The following GRB10 variants were observed in gnomAD, a reference collection of about 807,000 sequenced individuals.
GRB10 encodes the protein growth factor receptor-bound protein 10.
In GRB10, 20 loss-of-function variants were observed where a neutral mutation model predicts 80.9. That is an observed-to-expected ratio of 0.25 (90% confidence interval 0.17 to 0.36). The LOEUF is 0.36. Ranked by LOEUF, GRB10 falls within the 10% of genes least tolerant of loss-of-function variation. The probability of loss-of-function intolerance (pLI) is 1.00; values close to 1 mark genes in which losing one functional copy is unlikely to be tolerated. For missense variants in GRB10, 548 were observed against 747.7 expected, an observed-to-expected ratio of 0.73 and a Z score of 3.12; for synonymous variants, 291 against 291.5, an observed-to-expected ratio of 1.00 and a Z score of 0.02.
chr7:50,596,156 G>A (rs1411990483), intron 17 of GRB10, among the ~76,000 whole-genome samples: 1 of 152,184 alleles, frequency 6.6e-6, no homozygotes, highest in Admixed American at 6.5e-5. Flanking sequence ...ACCAGCAGAT[G>A]AAAGGTGGAT....
intron 7 of GRB10, among the ~76,000 whole-genome samples, chr7:50,627,214 A>T (rs1301868376): frequency 2.0e-5 from 3 of 152,162 alleles, no homozygotes; most frequent in Admixed American, 6.5e-5. Flanking sequence ...GATACTCTTA[A>T]AATGCCCAGG....
intron 2 of GRB10, among the ~76,000 whole-genome samples, chr7:50,775,906 C>T (rs2077582867): frequency 6.6e-6 from 1 of 152,200 alleles, no homozygotes; most frequent in African/African-American, 2.4e-5. Flanking sequence ...CACTGTAATG[C>T]AGAGAGCAGA....
rs143541013 is a variant in GRB10 at position 50,762,180 on chromosome 7, G to A, written c.-216-6124C>T. 1.2e-3 allele frequency among the ~76,000 whole-genome samples: 180 copies of A among 151,894 alleles called. 1 individual carries two copies. The highest frequency in any genetic ancestry group is 4.1e-3 in the African/African-American group (171 of 41,404). ...TAGAACCGATCTGAACGTTTAGTAAGATTGCGATCCCAGAGCAAACTACAA... is the reference window on the plus strand; with the variant it reads ...TAGAACCGATCTGAACGTTTAGTAAAATTGCGATCCCAGAGCAAACTACAA... On this transcript the variant is annotated intron_variant, in intron 2 of 18. Coordinates refer to ENST00000401949, the MANE Select transcript of GRB10 (RefSeq NM_001350814.2).
At chr7:50,639,472 G>A (rs1048242915) in intron 7 of GRB10, among the ~76,000 whole-genome samples, 1 of 151,440 alleles carries the variant, frequency 6.6e-6, no homozygotes, top group African/African-American at 2.4e-5. Flanking sequence ...TCAGGAGATC[G>A]AGATCATCCT....
chr7:50,732,158 G>C (rs988138678), intron 4 of GRB10, 114 bp downstream of exon 4: 1 of 1,044,620 alleles, frequency 9.6e-7, no homozygotes, highest in South Asian at 1.3e-5. Flanking sequence ...CTGCTCCAGC[G>C]TGTCCTAGTG....
intron 3 of GRB10, among the ~76,000 whole-genome samples, chr7:50,745,816 C>G (rs2072792211): frequency 6.6e-6 from 1 of 152,156 alleles, no homozygotes; most frequent in Non-Finnish European, 1.5e-5. Flanking sequence ...CTAAAGAAAA[C>G]TTTTTAAAGG....
chr7:50,784,670 T>A (rs2078615799), upstream of GRB10, among the ~76,000 whole-genome samples: 1 of 152,240 alleles, frequency 6.6e-6, no homozygotes, highest in African/African-American at 2.4e-5. Context: ...CTTCACTGAA[T>A]GGCTGACAGG....
upstream of GRB10, among the ~76,000 whole-genome samples, chr7:50,785,501 C>G (rs1425344430): frequency 6.6e-6 from 1 of 152,238 alleles, no homozygotes; most frequent in East Asian, 1.9e-4. Flanking sequence ...GCAACCCTGG[C>G]CCATGGTGAC....
chr7:50,705,218 C>G, intron 4 of GRB10: 1 of 985,828 alleles, frequency 1.0e-6, no homozygotes, highest in Non-Finnish European at 1.2e-6. Flanking sequence ...GAGGGTAGCC[C>G]AGGGGACAGA....
At chr7:50,613,625 T>C (rs2049984856) in intron 12 of GRB10, among the ~76,000 whole-genome samples, 2 of 152,142 alleles carry the variant, frequency 1.3e-5, no homozygotes, top group African/African-American at 4.8e-5. Flanking sequence ...TGCGCTCGGC[T>C]GGTGCTATGA....
At position 50,614,932 on chromosome 7, in the gene GRB10, T is replaced by G. The variant is rs775187224; in HGVS notation, c.985-52A>C. 3.5e-6 allele frequency: 4 copies of G among 1,145,880 alleles called. No individual in the cohort carries two copies. In the African/African-American group the frequency reaches 6.0e-5, roughly 17 times the overall value. 71.0% of individuals were successfully genotyped at this position (1,145,880 alleles called of 1,614,324 possible). On this transcript the variant is annotated intron_variant, in intron 11 of 18. Transcript: ENST00000401949. Reference sequence around the variant, plus strand: ...TCTCAAGCACAGCAAAGAGCAAATGTGTTCACCTCTGGTAGACAGAGGGCA... The same window carrying G: ...TCTCAAGCACAGCAAAGAGCAAATGGGTTCACCTCTGGTAGACAGAGGGCA...
In GRB10 at chr7:50,674,548, G is replaced by C. The variant is rs1217448505; in HGVS notation, c.250C>G (p.Gln84Glu). The C allele has an allele frequency of 6.2e-6, 10 of 1,612,072 alleles. No individual in the cohort carries two copies. Among genetic ancestry groups the C allele is most frequent in the Non-Finnish European group, 8.5e-6 (10 of 1,180,016 alleles). Residue 84 changes from glutamine to glutamate, a missense_variant, in exon 6 of 19, where the codon CAG becomes GAG. Physicochemically the swap from Gln to Glu is conservative, Grantham distance 29 (BLOSUM62 2). Coordinates refer to ENST00000401949, the MANE Select transcript of GRB10 (RefSeq NM_001350814.2). ...SDTVPLLQNGQHARSQPRASG... is the reference protein window; with the variant it reads ...SDTVPLLQNGEHARSQPRASG... ...GCCCGAGGCTGGCTGCGGGCATGCTGGCCATTCTGCAGGAGGGGCACCGTG... is the reference window on the plus strand; with the variant it reads ...GCCCGAGGCTGGCTGCGGGCATGCTCGCCATTCTGCAGGAGGGGCACCGTG...
chr7:50,606,819 G>A (rs998251527), intron 13 of GRB10: 2 of 249,742 alleles, frequency 8.0e-6, no homozygotes, highest in East Asian at 1.0e-4. Flanking sequence ...ATTCGATTCT[G>A]TAAGTCTACA....
intron 8 of GRB10, among the ~76,000 whole-genome samples, chr7:50,621,659 C>G (rs968899144): frequency 2.0e-5 from 3 of 152,218 alleles, no homozygotes; most frequent in African/African-American, 7.2e-5. Context: ...TATGTATTTT[C>G]AAATGACCTT....
chr7:50,752,083 A>G (rs1056751417), intron 3 of GRB10, among the ~76,000 whole-genome samples: 6 of 152,180 alleles, frequency 3.9e-5, no homozygotes, highest in Non-Finnish European at 8.8e-5. Context: ...CAGTGGGGAG[A>G]AGCTCATACA....
chr7:50,742,802 T>A (rs554612105), intron 3 of GRB10, among the ~76,000 whole-genome samples: 9 of 152,176 alleles, frequency 5.9e-5, no homozygotes, highest in Non-Finnish European at 1.3e-4. Context: ...CACTCTTTTC[T>A]TTAAATTACT....
chr7:50,673,150 T>C (rs532587876), intron 6 of GRB10, among the ~76,000 whole-genome samples: 21 of 152,070 alleles, frequency 1.4e-4, no homozygotes, highest in Non-Finnish European at 2.5e-4. Flanking sequence ...GCCCAGGAAA[T>C]GAACAGAGCT....
At chr7:50,770,505 A>G (rs944745375) in intron 2 of GRB10, among the ~76,000 whole-genome samples, 1 of 152,192 alleles carries the variant, frequency 6.6e-6, no homozygotes, top group Non-Finnish European at 1.5e-5. Flanking sequence ...AGCCTCTCAC[A>G]TGGTACCCTG....
intron 13 of GRB10, 30 bp downstream of exon 13, chr7:50,612,711 A>G (rs2049793204): frequency 6.7e-7 from 1 of 1,492,360 alleles, no homozygotes; most frequent in African/African-American, 1.4e-5. Context: ...AGAGATGTGC[A>G]CTCAACACAA....
Sources: gnomAD v4.1 joint callset for allele counts (sites outside exome capture counted in the v4.1 genomes callset) on GRCh38, gnomAD v4.1.1 for gene constraint, MANE v1.5 for transcripts, NCBI Gene and HGNC (gene_info 2026-07-23, HGNC 2026-07-21) for gene names.